GNAO1: variants seen among roughly 807,000 people sequenced by gnomAD.
GNAO1 encodes guanine nucleotide-binding protein G(o) subunit alpha.
For synonymous variants in GNAO1, 164 were observed against 180.7 expected (o/e 0.91, Z 0.74); for missense variants, 166 against 478.7 (o/e 0.35, Z 6.10).
At chr16:56,324,271 A>G (rs150469071) in intron 3 of GNAO1, among the ~76,000 whole-genome samples, 34 of 152,318 alleles carry the variant, frequency 2.2e-4, no homozygotes, top group African/African-American at 7.2e-4. Context: ...GTGTCCTCCT[A>G]CAAAGCCTGT....
At chr16:56,346,324 TGTGGGTTTCTAATCCACA>T (rs1261773238) in intron 6 of GNAO1, 17 of 985,324 alleles carry the variant, frequency 1.7e-5, no homozygotes, top group Non-Finnish European at 1.9e-5. Context: ...GAGTGACACG[TGTGGGTTTCTAATCCACA>T]GTGGTCCTGC....
In GNAO1 at chr16:56,278,782, T is replaced by C. The variant is rs753972097; in HGVS notation, c.303+2710T>C. The stretch of plus-strand genomic sequence containing the variant: ...AGTGGGAGGACGAGGGGACAGAAAG[T>C]TCCAGACAAGCACCCAGGCCCTGAG... On this transcript the variant is annotated intron_variant, in intron 3 of 8. Transcript: ENST00000262493. Among the ~76,000 whole-genome samples, 10 of 152,096 alleles carry C rather than the reference T, an allele frequency of 6.6e-5. No individual in the cohort carries two copies. The South Asian group carries it at 2.1e-3, about 32-fold the overall frequency.
At chr16:56,271,405 C>A (rs1181303042) in intron 2 of GNAO1, among the ~76,000 whole-genome samples, 1 of 152,216 alleles carries the variant, frequency 6.6e-6, no homozygotes, top group Non-Finnish European at 1.5e-5. Flanking sequence ...TCTTATACTG[C>A]AAATGAAAGA....
At chr16:56,333,270 T>C (rs1286368438) in intron 4 of GNAO1, among the ~76,000 whole-genome samples, 2 of 150,448 alleles carry the variant, frequency 1.3e-5, no homozygotes, top group Non-Finnish European at 2.9e-5. Context: ...TGGAGTACAG[T>C]GGCACGATCT....
chr16:56,271,517 G>A (rs1461889823), intron 2 of GNAO1, among the ~76,000 whole-genome samples: 1 of 152,154 alleles, frequency 6.6e-6, no homozygotes, highest in African/African-American at 2.4e-5. Flanking sequence ...GCAGTGGCGT[G>A]ATCTTGGTTC....
chr16:56,295,730 G>C (rs942261104), intron 3 of GNAO1, among the ~76,000 whole-genome samples: 1 of 152,124 alleles, frequency 6.6e-6, no homozygotes, highest in African/African-American at 2.4e-5. Context: ...CCCAGTGTTC[G>C]TACGGTGCTC....
intron 3 of GNAO1, among the ~76,000 whole-genome samples, chr16:56,296,100 T>C (rs866962901): frequency 9.2e-5 from 14 of 152,232 alleles, no homozygotes; most frequent in African/African-American, 3.4e-4. Flanking sequence ...TTTCCTGAGC[T>C]TTACAAGGGA....
intron 2 of GNAO1, among the ~76,000 whole-genome samples, chr16:56,274,223 T>G (rs2037042115): frequency 1.3e-5 from 2 of 152,334 alleles, no homozygotes; most frequent in South Asian, 4.1e-4. Context: ...GGGATCACAG[T>G]CCTGCACTGT....
intron 3 of GNAO1, among the ~76,000 whole-genome samples, chr16:56,287,841 C>G (rs1268763614): frequency 6.6e-6 from 1 of 151,910 alleles, no homozygotes; most frequent in Admixed American, 6.6e-5. Context: ...AGAGAGAAAC[C>G]CAAAGAGATA....
chr16:56,310,521 G>T (rs2037446018), intron 3 of GNAO1, among the ~76,000 whole-genome samples: 1 of 152,108 alleles, frequency 6.6e-6, no homozygotes, highest in African/African-American at 2.4e-5. Flanking sequence ...GGGAGTATTG[G>T]CACAGCACAG....
intron 2 of GNAO1, among the ~76,000 whole-genome samples, chr16:56,247,255 G>T (rs575804121): frequency 1.3e-5 from 2 of 152,306 alleles, no homozygotes; most frequent in South Asian, 4.1e-4. Flanking sequence ...CTGTCTTGGG[G>T]TGCACAGTTT....
intron 6 of GNAO1, among the ~76,000 whole-genome samples, chr16:56,337,917 C>A (rs2037758844): frequency 6.6e-6 from 1 of 152,108 alleles, no homozygotes; most frequent in Admixed American, 6.5e-5. Context: ...CTGTCATCTC[C>A]TTCTGTCTGG....
chr16:56,287,270 A>G (rs2037182204), intron 3 of GNAO1, among the ~76,000 whole-genome samples: 1 of 152,162 alleles, frequency 6.6e-6, no homozygotes, highest in Non-Finnish European at 1.5e-5. Context: ...CCAGCCAGCA[A>G]CAGCCTTAGA....
chr16:56,257,916 C>T (rs1196537486), intron 2 of GNAO1, among the ~76,000 whole-genome samples: 1 of 152,218 alleles, frequency 6.6e-6, no homozygotes, highest in Non-Finnish European at 1.5e-5. Context: ...GGCAGCCAAA[C>T]TCAGGCCTCA....
At chr16:56,325,243 A>G (rs2037619589) in intron 3 of GNAO1, among the ~76,000 whole-genome samples, 1 of 152,206 alleles carries the variant, frequency 6.6e-6, no homozygotes, top group Non-Finnish European at 1.5e-5. Context: ...TTGGGAGGCC[A>G]AGGCGGGTGG....
chr16:56,341,312 G>C (rs2037801317), intron 6 of GNAO1, among the ~76,000 whole-genome samples: 1 of 152,216 alleles, frequency 6.6e-6, no homozygotes, highest in South Asian at 2.1e-4. Flanking sequence ...TGAGGGGCGG[G>C]GCACAGAGGC....
At chr16:56,286,194 A>G (rs1455699594) in intron 3 of GNAO1, among the ~76,000 whole-genome samples, 1 of 152,074 alleles carries the variant, frequency 6.6e-6, no homozygotes, top group Non-Finnish European at 1.5e-5. Context: ...TCCTCCCGCT[A>G]CACACATCTG....
chr16:56,301,130 A>G (rs1398364140), intron 3 of GNAO1: 1 of 152,302 alleles, frequency 6.6e-6, no homozygotes, highest in African/African-American at 2.4e-5. Context: ...GATACAGGCC[A>G]GCTGAAGTGG....
At chr16:56,327,450 A>G (rs1322859007) in intron 3 of GNAO1, among the ~76,000 whole-genome samples, 1 of 151,982 alleles carries the variant, frequency 6.6e-6, no homozygotes, top group Non-Finnish European at 1.5e-5. Context: ...GAAAGGCCCA[A>G]CGACACAGCT....
Sources: allele counts gnomAD v4.1 joint callset (sites outside exome capture counted in the v4.1 genomes callset), GRCh38; gene constraint gnomAD v4.1.1; transcripts MANE v1.5; gene names NCBI Gene and HGNC (gene_info 2026-07-23, HGNC 2026-07-21).